The following ANXA4 variants were observed in gnomAD, a reference collection of about 807,000 sequenced individuals.
The protein encoded by ANXA4 is annexin A4, also known as 35-beta calcimedin.
In ANXA4, 39 loss-of-function variants were observed where a neutral mutation model predicts 49.8. The observed-to-expected ratio is 0.78, with a 90% CI of 0.61 to 1.02. The LOEUF (loss-of-function observed/expected upper bound fraction) is 1.02, where lower values mean the gene tolerates loss of function less well. Among genes scored for constraint, ANXA4 ranks in the 50% least tolerant of loss-of-function variants. The pLI is 0.00. For missense variants in ANXA4, 360 were observed against 410.1 expected (o/e 0.88, Z 1.05); for synonymous variants, 134 against 152.5 (o/e 0.88, Z 0.89).
intron 2 of ANXA4, among the ~76,000 whole-genome samples, chr2:69,658,700 T>G (rs1452352054): frequency 6.6e-6 from 1 of 152,200 alleles, no homozygotes; most frequent in Admixed American, 6.5e-5. Flanking sequence ...TATTCATTTG[T>G]TTACTTTTTT....
intron 3 of ANXA4, among the ~76,000 whole-genome samples, chr2:69,723,316 A>T (rs1669870538): frequency 6.6e-6 from 1 of 152,208 alleles, no homozygotes; most frequent in Non-Finnish European, 1.5e-5. Context: ...TGTAGTAATT[A>T]TAATAAGATG....
chr2:69,821,027 G>C, intron 12 of ANXA4, among the ~76,000 whole-genome samples: 1 of 152,120 alleles, frequency 6.6e-6, no homozygotes, highest in East Asian at 1.9e-4. Flanking sequence ...TCTAAATACA[G>C]TAATTATTTT....
chr2:69,804,444 G>A, intron 3 of ANXA4, 89 bp from the exon 4 acceptor site: 2 of 1,192,578 alleles, frequency 1.7e-6, no homozygotes, highest in African/African-American at 1.5e-5. Flanking sequence ...CTCTGCATGT[G>A]TTTGGGTAAC....
Position 69,806,457 on chromosome 2 carries a change from A to G in ANXA4, c.265A>G (p.Thr89Ala). The change falls in exon 5 of 13, where the codon ACG becomes GCG. Residue 89 changes from threonine to alanine, a missense_variant. Transcript: ENST00000394295. ...GGTGATTGTGGGGATGATGACGCCC[A>G]CGGTGCTGTATGACGTGCAAGAGCT... ...EQVIVGMMTP[T>A]VLYDVQELRR... is the part of the protein sequence containing the mutation. The G allele has an allele frequency of 6.2e-7, 1 of 1,614,138 alleles. No individual in the cohort carries two copies.
intron 2 of ANXA4, among the ~76,000 whole-genome samples, chr2:69,682,615 CTG>C (rs1677639148): frequency 6.6e-6 from 1 of 151,982 alleles, no homozygotes; most frequent in Admixed American, 6.6e-5. Flanking sequence ...TTCTCAACAA[CTG>C]TATTTTTTTA....
chr2:69,686,164 G>A (rs939956702), intron 2 of ANXA4, among the ~76,000 whole-genome samples: 1 of 151,456 alleles, frequency 6.6e-6, no homozygotes, highest in Non-Finnish European at 1.5e-5. Flanking sequence ...TATTATTTTC[G>A]AGACAGGGTC....
chr2:69,813,834 C>T (rs964500764), intron 8 of ANXA4, among the ~76,000 whole-genome samples: 4 of 149,930 alleles, frequency 2.7e-5, no homozygotes, highest in East Asian at 2.0e-4. Flanking sequence ...CTCAGCTCAC[C>T]GCAACCTCCC....
upstream of ANXA4, chr2:69,643,826 G>C: frequency 8.5e-7 from 1 of 1,183,182 alleles, no homozygotes; most frequent in Non-Finnish European, 1.0e-6. Flanking sequence ...TGCCCCTCGG[G>C]GCGGCGCGGC....
chr2:69,743,011 TTTTTG>T (rs1052556753), intron 1 of ANXA4, among the ~76,000 whole-genome samples: 3 of 152,162 alleles, frequency 2.0e-5, no homozygotes, highest in African/African-American at 7.2e-5. Context: ...GCCCTTTAAT[TTTTTG>T]TTTTGTTTTG....
intron 3 of ANXA4, among the ~76,000 whole-genome samples, chr2:69,801,220 T>C (rs1278552441): frequency 6.6e-6 from 1 of 152,202 alleles, no homozygotes; most frequent in African/African-American, 2.4e-5. Context: ...GGCCCCCAGG[T>C]AGCCCTTTTC....
Position 69,798,346 on chromosome 2 carries a change from C to T in ANXA4, c.98-6187C>T, listed in dbSNP as rs559237724. ...GGCTATAAAAATTCCTGCAGCATTG[C>T]ATACAGAGAGGAGATGGGAGACATG... On this transcript the variant is annotated intron_variant, in intron 3 of 12. Coordinates refer to ENST00000394295, the MANE Select transcript of ANXA4 (RefSeq NM_001153.5). Among the ~76,000 whole-genome samples the T allele has an allele frequency of 4.6e-5, 7 of 152,270 alleles. No individual in the cohort carries two copies. The South Asian group carries it at 1.5e-3, about 32-fold the overall frequency.
chr2:69,695,654 G>A (rs1016653305), intron 2 of ANXA4, among the ~76,000 whole-genome samples: 4 of 152,150 alleles, frequency 2.6e-5, no homozygotes, highest in Non-Finnish European at 4.4e-5. Flanking sequence ...GAAAGCATGA[G>A]TTACCTTACC....
chr2:69,643,922 G>A (rs1675884902), upstream of ANXA4: 1 of 1,144,110 alleles, frequency 8.7e-7, no homozygotes, highest in Non-Finnish European at 1.1e-6. Context: ...GGGGGAAGAG[G>A]GTCTCAGTGC....
rs75433980 is a variant in ANXA4, at chr2:69,771,305, C to A, written c.-46-10215C>A. On this transcript the variant is annotated intron_variant, in intron 1 of 12. Coordinates refer to ENST00000394295, the MANE Select transcript of ANXA4 (RefSeq NM_001153.5). ...TCTGACCCCCGACCACTGGCTTCAC[C>A]CTTTCCGTAGGACAGGGCTTAGATG... Among the ~76,000 whole-genome samples the A allele has an allele frequency of 5.9e-3, 899 of 152,152 alleles. 18 individuals are homozygous for A. In the East Asian group the frequency reaches 0.074, roughly 13 times the overall value.
At chr2:69,647,391 TATTTATTTATTTATTTATTTA>T (rs1559034927) in intron 1 of ANXA4, among the ~76,000 whole-genome samples, 1 of 106,116 alleles carries the variant, frequency 9.4e-6, no homozygotes, top group East Asian at 5.3e-4. Context: ...ATTTTTATTT[TATTTATTTATTTATTTATTTA>T]TTTATTTATT....
chr2:69,656,288 CATATATGTAT>C lies in ANXA4; in HGVS notation n.766+3021_766+3030del, dbSNP rs1253934034. Among the ~76,000 whole-genome samples, 378 of 89,390 alleles carry C rather than the reference CATATATGTAT, an allele frequency of 4.2e-3. 3 individuals are homozygous for C. The highest frequency in any genetic ancestry group is 7.3e-3 in the South Asian group (16 of 2,186). 58.6% of individuals were successfully genotyped at this position (89,390 alleles called of 152,430 possible). On this transcript the variant is annotated intron_variant and non_coding_transcript_variant, in intron 2 of 3. Coordinates refer to the ANXA4 transcript ENST00000418066. Reference sequence around the variant, plus strand: ...ATATATGTATATACGTATATATATACATATATGTATATATATGTATATATGTATATATATG... The same window carrying C: ...ATATATGTATATACGTATATATATACATATATGTATATATGTATATATATG...
rs117709473 is a variant in ANXA4 at position 69,770,305 on chromosome 2, A to G, written c.-46-11215A>G. Among the ~76,000 whole-genome samples, 176 of 152,374 alleles carry G rather than the reference A, an allele frequency of 1.2e-3. 1 individual carries two copies. In the East Asian group the frequency reaches 0.028, roughly 25 times the overall value. Reference sequence around the variant, plus strand: ...AGAGTTACTCTCATTTTCCTATTTCATAGACAGTTTTGAAAGCCTTTAGTG... The same window carrying G: ...AGAGTTACTCTCATTTTCCTATTTCGTAGACAGTTTTGAAAGCCTTTAGTG... On this transcript the variant is annotated intron_variant, in intron 1 of 12. Coordinates refer to ENST00000394295, the MANE Select transcript of ANXA4 (RefSeq NM_001153.5).
chr2:69,715,566 C>T (rs1269077279), intron 2 of ANXA4, among the ~76,000 whole-genome samples: 1 of 152,214 alleles, frequency 6.6e-6, no homozygotes, highest in Non-Finnish European at 1.5e-5. Context: ...GCCATAGTAC[C>T]TACTATGTCC....
intron 10 of ANXA4, among the ~76,000 whole-genome samples, chr2:69,819,023 T>G (rs1326169083): frequency 1.3e-5 from 2 of 152,254 alleles, no homozygotes; most frequent in Non-Finnish European, 2.9e-5. Flanking sequence ...ATCCTTATTT[T>G]GAAATGAAAT....
Sources: allele counts gnomAD v4.1 joint callset (sites outside exome capture counted in the v4.1 genomes callset), GRCh38; gene constraint gnomAD v4.1.1; transcripts MANE v1.5; gene names NCBI Gene and HGNC (gene_info 2026-07-23, HGNC 2026-07-21).